SCHIP1: variants seen among roughly 807,000 people sequenced by gnomAD.
SCHIP1 encodes the protein schwannomin-interacting protein 1.
Under a neutral mutation model 29.7 loss-of-function variants are expected in SCHIP1, and 8 were observed. That is an observed-to-expected ratio of 0.27 (90% confidence interval 0.16 to 0.49). SCHIP1 has a LOEUF of 0.49. Ranked by LOEUF, SCHIP1 falls within the 20% of genes least tolerant of loss-of-function variation. The pLI is 0.99. For synonymous variants in SCHIP1, 76 were observed against 94.9 expected, an observed-to-expected ratio of 0.80 and a Z score of 1.16; for missense variants, 193 against 294.6, an observed-to-expected ratio of 0.66 and a Z score of 2.52.
the SCHIP1 span, among the ~76,000 whole-genome samples, chr3:159,402,706 T>G: frequency 6.6e-6 from 1 of 152,116 alleles, no homozygotes; most frequent in Admixed American, 6.5e-5. Flanking sequence ...TTGCATGTTC[T>G]CACTCATAGG....
At chr3:159,570,783 A>G in the SCHIP1 span, among the ~76,000 whole-genome samples, 1 of 152,152 alleles carries the variant, frequency 6.6e-6, no homozygotes, top group Non-Finnish European at 1.5e-5. Flanking sequence ...ATGAGCATGG[A>G]ATATTCTTCC....
chr3:159,839,628 CTTTTTTTTTTTTTTTT>C (rs3068349), upstream of SCHIP1, among the ~76,000 whole-genome samples: 4 of 71,710 alleles, frequency 5.6e-5, no homozygotes, highest in Admixed American at 4.8e-4. Context: ...AGGTCTTTTT[CTTTTTTTTTTTTTTTT>C]TTTTTTTTTT....
chr3:159,742,210 G>C, the SCHIP1 span, among the ~76,000 whole-genome samples: 1 of 152,266 alleles, frequency 6.6e-6, no homozygotes, highest in African/African-American at 2.4e-5. Flanking sequence ...TGGCAACAGA[G>C]TGAGACTCCG....
At chr3:159,289,626 T>C in the SCHIP1 span, among the ~76,000 whole-genome samples, 1 of 152,194 alleles carries the variant, frequency 6.6e-6, no homozygotes, top group Admixed American at 6.5e-5. Flanking sequence ...TTATCACTCC[T>C]TAATTAATAA....
the SCHIP1 span, among the ~76,000 whole-genome samples, chr3:159,607,268 A>G: frequency 6.6e-6 from 1 of 152,170 alleles, no homozygotes; most frequent in Non-Finnish European, 1.5e-5. Flanking sequence ...AGTTCCAATA[A>G]TTGTTTACAC....
the SCHIP1 span, among the ~76,000 whole-genome samples, chr3:159,462,141 C>T: frequency 4.0e-5 from 6 of 151,806 alleles, no homozygotes; most frequent in Admixed American, 2.6e-4. Context: ...ATCCAGGAGG[C>T]GAGGTTGCAG....
chr3:159,277,051 C>T, the SCHIP1 span, among the ~76,000 whole-genome samples: 84 of 152,248 alleles, frequency 5.5e-4, 2 homozygotes, highest in South Asian at 0.017. Context: ...TGATGCAATA[C>T]ACATTTTGAA....
the SCHIP1 span, chr3:159,401,137 G>A: frequency 2.1e-6 from 2 of 966,220 alleles, no homozygotes; most frequent in African/African-American, 3.5e-5. Context: ...CAACTTGAAG[G>A]CCTCAAGTGT....
the SCHIP1 span, among the ~76,000 whole-genome samples, chr3:159,558,151 C>A: frequency 1.3e-5 from 2 of 152,036 alleles, no homozygotes; most frequent in African/African-American, 4.8e-5. Context: ...GCATCAAAAG[C>A]CATAAGGGGG....
the SCHIP1 span, among the ~76,000 whole-genome samples, chr3:159,499,886 G>A: frequency 2.0e-5 from 3 of 152,082 alleles, no homozygotes; most frequent in Non-Finnish European, 2.9e-5. Flanking sequence ...TCCGTAGTCC[G>A]GTTTCTCATT....
chr3:159,800,766 TA>T, the SCHIP1 span, among the ~76,000 whole-genome samples: 2 of 151,976 alleles, frequency 1.3e-5, no homozygotes, highest in Non-Finnish European at 2.9e-5. Context: ...TCAGATACCT[TA>T]AATTCATATG....
intron 5 of SCHIP1, among the ~76,000 whole-genome samples, chr3:159,889,470 G>A (rs1717276465): frequency 1.3e-5 from 2 of 152,208 alleles, no homozygotes; most frequent in Admixed American, 6.5e-5. Context: ...AGGGAGTGGT[G>A]AGTGGTGCTC....
chr3:159,708,842 C>G, the SCHIP1 span, among the ~76,000 whole-genome samples: 520 of 152,334 alleles, frequency 3.4e-3, 5 homozygotes, highest in African/African-American at 0.012. Context: ...TCTTCCAACA[C>G]AGCTAATGTA....
At chr3:159,552,622 G>C in the SCHIP1 span, among the ~76,000 whole-genome samples, 1 of 152,150 alleles carries the variant, frequency 6.6e-6, no homozygotes, top group Non-Finnish European at 1.5e-5. Flanking sequence ...GAAAAGAAAT[G>C]CTAGGACACA....
chr3:159,841,435 C>G (rs1577409170), intron 1 of SCHIP1, among the ~76,000 whole-genome samples: 1 of 152,118 alleles, frequency 6.6e-6, no homozygotes, highest in East Asian at 1.9e-4. Flanking sequence ...AGAAAAAAAC[C>G]AACATGTCAC....
the SCHIP1 span, among the ~76,000 whole-genome samples, chr3:159,511,978 GA>G: frequency 6.6e-6 from 1 of 151,920 alleles, no homozygotes; most frequent in African/African-American, 2.4e-5. Flanking sequence ...AAACTCAAAG[GA>G]AAAAAATGAT....
the SCHIP1 span, among the ~76,000 whole-genome samples, chr3:159,345,910 T>C: frequency 1.3e-5 from 2 of 152,116 alleles, no homozygotes; most frequent in South Asian, 2.1e-4. Flanking sequence ...ACTCCATTAG[T>C]TGGCTGGGCG....
the SCHIP1 span, among the ~76,000 whole-genome samples, chr3:159,337,301 C>G: frequency 2.0e-5 from 3 of 152,104 alleles, no homozygotes; most frequent in Non-Finnish European, 4.4e-5. Flanking sequence ...CAGGGATGCC[C>G]TCTCTCACCA....
At chr3:159,309,146 TA>T in the SCHIP1 span, 7 of 211,862 alleles carry the variant, frequency 3.3e-5, no homozygotes, top group South Asian at 1.7e-4. Context: ...AAGTTAAAAT[TA>T]AAAAAAAACA....
Sources: allele counts gnomAD v4.1 joint callset (sites outside exome capture counted in the v4.1 genomes callset), GRCh38; gene constraint gnomAD v4.1.1; transcripts MANE v1.5; gene names NCBI Gene and HGNC (gene_info 2026-07-23, HGNC 2026-07-21).